Variants in HECW1 observed in about 807,000 individuals in gnomAD.
HECW1 encodes E3 ubiquitin-protein ligase HECW1.
HECW1 carries 61 observed loss-of-function variants against 182.3 expected under a neutral mutation model. That is an observed-to-expected ratio of 0.33 (90% CI 0.27 to 0.41). The LOEUF (loss-of-function observed/expected upper bound fraction) is 0.41, where lower values mean the gene tolerates loss of function less well. Ranked by LOEUF, HECW1 falls within the 10% of genes least tolerant of loss-of-function variation. HECW1 has a pLI of 1.00. For missense variants in HECW1, 1,739 were observed against 2,108.9 expected (o/e 0.82, Z 3.44); for synonymous variants, 859 against 832.6 (o/e 1.03, Z -0.55).
intron 19 of HECW1, among the ~76,000 whole-genome samples, chr7:43,499,698 A>G (rs1433215184): frequency 6.6e-6 from 1 of 152,204 alleles, no homozygotes; most frequent in Non-Finnish European, 1.5e-5. Context: ...CATCTCTTCA[A>G]AAAAGGCAAA....
At chr7:43,117,944 G>A (rs1785203816) in intron 2 of HECW1, 1 of 152,594 alleles carries the variant, frequency 6.6e-6, no homozygotes, top group African/African-American at 2.4e-5. Context: ...GATGCATATG[G>A]AGGCCTGAAA....
chr7:43,386,874 TA>T (rs532414536), intron 6 of HECW1, among the ~76,000 whole-genome samples: 135 of 152,320 alleles, frequency 8.9e-4, no homozygotes, highest in African/African-American at 3.1e-3. Flanking sequence ...GTTTACAAAA[TA>T]ATTAAAATAG....
chr7:43,517,142 A>T (rs1410213312), intron 24 of HECW1, among the ~76,000 whole-genome samples: 1 of 152,150 alleles, frequency 6.6e-6, no homozygotes, highest in African/African-American at 2.4e-5. Context: ...AAGGATTTTC[A>T]GGGCCAGATT....
At position 43,140,558 on chromosome 7, in the gene HECW1, T is replaced by C. The variant is rs139718142; in HGVS notation, c.-32+26167T>C. Among the ~76,000 whole-genome samples, 13 of 152,334 alleles carry C rather than the reference T, an allele frequency of 8.5e-5. No individual in the cohort carries two copies. In the East Asian group the frequency reaches 2.1e-3, roughly 25 times the overall value. ...TCGTGGTCCCTCATTTATCTTCTTTTGTTACTTTTTGAAGGTAGTTTCTAA... is the reference window on the plus strand; with the variant it reads ...TCGTGGTCCCTCATTTATCTTCTTTCGTTACTTTTTGAAGGTAGTTTCTAA... On this transcript the variant is annotated intron_variant, in intron 2 of 29. Coordinates refer to ENST00000395891, the MANE Select transcript of HECW1 (RefSeq NM_015052.5).
At chr7:43,500,585 T>A (rs2079308245) in intron 19 of HECW1, 114 bp from the exon 20 acceptor site, 1 of 860,708 alleles carries the variant, frequency 1.2e-6, no homozygotes, top group African/African-American at 1.7e-5. Flanking sequence ...ACATAGGACG[T>A]TAGGACATTG....
intron 2 of HECW1, among the ~76,000 whole-genome samples, chr7:43,127,705 G>T (rs1028218093): frequency 1.3e-5 from 2 of 152,130 alleles, no homozygotes; most frequent in African/African-American, 4.8e-5. Flanking sequence ...TGAGCAAGCT[G>T]CAGAAGAAAA....
intron 5 of HECW1, among the ~76,000 whole-genome samples, chr7:43,344,252 CTTTAG>C (rs1373485525): frequency 2.6e-5 from 4 of 151,798 alleles, no homozygotes; most frequent in African/African-American, 9.7e-5. Flanking sequence ...TGCAGAATCT[CTTTAG>C]TTTAATTAGA....
intron 2 of HECW1, among the ~76,000 whole-genome samples, chr7:43,205,570 A>G (rs1795393664): frequency 6.6e-6 from 1 of 152,194 alleles, no homozygotes; most frequent in South Asian, 2.1e-4. Context: ...AGTCTGGTCA[A>G]GGAGAGTCTT....
intron 2 of HECW1, among the ~76,000 whole-genome samples, chr7:43,192,013 G>A (rs746821660): frequency 2.0e-5 from 3 of 150,934 alleles, no homozygotes; most frequent in Non-Finnish European, 2.9e-5. Context: ...AGACTGGAGT[G>A]CAATGGCATG....
intron 24 of HECW1, chr7:43,509,405 G>A (rs1346583912): frequency 1.5e-5 from 4 of 260,876 alleles, no homozygotes; most frequent in Non-Finnish European, 2.9e-5. Context: ...GGTCATGAAT[G>A]TTGATAATTT....
chr7:43,493,280 A>G lies in HECW1; in HGVS notation c.3437+100A>G, dbSNP rs567364582. ...GAGACAGAGCGGAAGCTTATTATAC[A>G]TTGTATTTGTGCATTTAAATGAGAA... On this transcript the variant is annotated intron_variant, in intron 19 of 29. Transcript: ENST00000395891. 462 of 708,374 alleles carry G rather than the reference A, an allele frequency of 6.5e-4. 10 individuals are homozygous for G. The South Asian group carries it at 7.8e-3, about 12-fold the overall frequency. The allele number at this position is 708,374 out of a possible 1,614,324, so 43.9% of individuals were successfully genotyped here. A position where few individuals can be genotyped will look rare whatever the true frequency, so the allele number is the denominator to read the frequency against.
At chr7:43,303,848 C>T (rs1481820484) in intron 3 of HECW1, among the ~76,000 whole-genome samples, 1 of 152,064 alleles carries the variant, frequency 6.6e-6, no homozygotes, top group Non-Finnish European at 1.5e-5. Context: ...GCCCCTGTCC[C>T]ACAACATCCC....
At chr7:43,279,382 C>T (rs1307956513) in intron 3 of HECW1, among the ~76,000 whole-genome samples, 1 of 151,808 alleles carries the variant, frequency 6.6e-6, no homozygotes, top group Non-Finnish European at 1.5e-5. Context: ...GCCAGAGGCC[C>T]TGCACTTTCA....
At position 43,561,980 on chromosome 7, in the gene HECW1, G is replaced by A; in HGVS notation, c.*54G>A. 2.0e-6 allele frequency: 2 copies of A among 1,016,236 alleles called. No individual in the cohort carries two copies. The highest frequency in any genetic ancestry group is 3.6e-5 in the Admixed American group (2 of 56,332). 63.0% of individuals were successfully genotyped at this position (1,016,236 alleles called of 1,614,324 possible). On this transcript the variant is annotated 3_prime_UTR_variant, in exon 30 of 30. Transcript: ENST00000395891. ...TGGCCAGTGACATCACCCTTCCTGG[G>A]ATGATCCCCTTTTCCCTTTCCCTTA... is the stretch of plus-strand genomic sequence containing the variant.
intron 29 of HECW1, among the ~76,000 whole-genome samples, chr7:43,557,830 C>T (rs1188362105): frequency 1.3e-5 from 2 of 152,204 alleles, no homozygotes; most frequent in Non-Finnish European, 2.9e-5. Flanking sequence ...ACTCAAGTTC[C>T]TCAAAACAGC....
chr7:43,146,059 G>T (rs1788673900), intron 2 of HECW1, among the ~76,000 whole-genome samples: 1 of 152,124 alleles, frequency 6.6e-6, no homozygotes, highest in Non-Finnish European at 1.5e-5. Context: ...TCTTTGGTTT[G>T]GCTGATAGGA....
intron 2 of HECW1, among the ~76,000 whole-genome samples, chr7:43,155,903 G>T (rs556546117): frequency 6.6e-6 from 1 of 152,298 alleles, no homozygotes; most frequent in Non-Finnish European, 1.5e-5. Context: ...TGCTCACAAA[G>T]GTCTTTTGTT....
chr7:43,491,951 CT>C, intron 17 of HECW1, 123 bp from the exon 18 acceptor site: 1 of 663,528 alleles, frequency 1.5e-6, no homozygotes. Flanking sequence ...TTTTCCATCA[CT>C]TTTTTACTTT....
chr7:43,388,123 T>G (rs1471618097), intron 6 of HECW1, among the ~76,000 whole-genome samples: 1 of 152,194 alleles, frequency 6.6e-6, no homozygotes, highest in Non-Finnish European at 1.5e-5. Context: ...GAAAGGGACA[T>G]GCTGGCTCCA....
Sources: gnomAD v4.1 joint callset for allele counts (sites outside exome capture counted in the v4.1 genomes callset) on GRCh38, gnomAD v4.1.1 for gene constraint, MANE v1.5 for transcripts, NCBI Gene and HGNC (gene_info 2026-07-23, HGNC 2026-07-21) for gene names.